Variants in RGS20 observed in about 807,000 individuals in gnomAD.
RGS20 encodes gz-selective GTPase-activating protein.
In RGS20, 30 loss-of-function variants were observed where a neutral mutation model predicts 33.6. The observed-to-expected ratio is 0.89, with a 90% CI of 0.67 to 1.21. The LOEUF (loss-of-function observed/expected upper bound fraction) is 1.21. Among genes scored for constraint, RGS20 ranks in the 50% most tolerant of loss-of-function variants. The pLI is 0.00. For missense variants in RGS20, 472 were observed against 502.4 expected (o/e 0.94, Z 0.58); for synonymous variants, 208 against 197.9 (o/e 1.05, Z -0.43).
intron 2 of RGS20, among the ~76,000 whole-genome samples, chr8:53,885,141 A>G (rs1238140437): frequency 6.6e-6 from 1 of 152,200 alleles, no homozygotes; most frequent in Non-Finnish European, 1.5e-5. Flanking sequence ...TAAAAGAGAA[A>G]AGCTTTCTTA....
rs568798716 is a variant in RGS20 at position 53,896,465 on chromosome 8, A to G, written c.510+16863A>G. The stretch of plus-strand genomic sequence containing the variant: ...GAGGCCTGCAAAGTGTGCAATATGT[A>G]TGCTCTGGTCCCTCACTGAAAACAT... On this transcript the variant is annotated intron_variant, in intron 2 of 5. Transcript: ENST00000297313. Among the ~76,000 whole-genome samples, 5 of 152,352 alleles carry G rather than the reference A, an allele frequency of 3.3e-5. No individual in the cohort carries two copies. The East Asian group carries it at 5.8e-4, about 18-fold the overall frequency.
At chr8:53,865,745 G>A (rs1811905388) in intron 1 of RGS20, among the ~76,000 whole-genome samples, 1 of 152,110 alleles carries the variant, frequency 6.6e-6, no homozygotes, top group African/African-American at 2.4e-5. Flanking sequence ...TAGCTGAGAT[G>A]ACAGGTGTGC....
At chr8:53,913,914 T>C (rs923328521) in intron 2 of RGS20, 2 of 152,234 alleles carry the variant, frequency 1.3e-5, no homozygotes, top group African/African-American at 4.8e-5. Flanking sequence ...AAAAGGTGTG[T>C]GGACGTGGCT....
chr8:53,901,022 G>T (rs1411912094), intron 2 of RGS20, among the ~76,000 whole-genome samples: 2 of 150,850 alleles, frequency 1.3e-5, no homozygotes, highest in South Asian at 4.2e-4. Context: ...CTCGACCTCG[G>T]TCTACCAACA....
In RGS20 at chr8:53,871,936, C is replaced by T. The variant is rs73680339; in HGVS notation, c.166-7322C>T. Among the ~76,000 whole-genome samples the T allele has an allele frequency of 4.0e-3, 607 of 152,220 alleles. 3 individuals are homozygous for T. The highest frequency in any genetic ancestry group is 0.014 in the African/African-American group (576 of 41,536). On this transcript the variant is annotated intron_variant, in intron 1 of 5. Transcript: ENST00000297313. ...AATTCACATCTCCTAGACTCCCACC[C>T]AGACCTCCCTACCCTAAGCTCAAGC...
At chr8:53,923,888 G>A (rs1372620385) in intron 2 of RGS20, among the ~76,000 whole-genome samples, 1 of 152,140 alleles carries the variant, frequency 6.6e-6, no homozygotes, top group East Asian at 1.9e-4. Context: ...CATTTTAAAT[G>A]TAAATGATTT....
chr8:53,887,314 T>C lies in RGS20; in HGVS notation c.510+7712T>C, dbSNP rs560657235. 10 of 215,416 alleles carry C rather than the reference T, an allele frequency of 4.6e-5. No homozygotes were observed. The East Asian group carries it at 8.8e-4, about 19-fold the overall frequency. The allele number at this position is 215,416 out of a possible 1,614,324, so 13.3% of individuals were successfully genotyped here. On this transcript the variant is annotated intron_variant, in intron 2 of 5. Coordinates refer to ENST00000297313, the MANE Select transcript of RGS20 (RefSeq NM_170587.4). ...TGAATGTTGTAGTCAGAGAAAGTTA[T>C]GTCCATCTTCCAGTTACTTGCCAGC...
chr8:53,874,409 CGT>C (rs141978985), intron 1 of RGS20, among the ~76,000 whole-genome samples: 10,894 of 150,658 alleles, frequency 0.072, 853 homozygotes, highest in East Asian at 0.31. Flanking sequence ...TGTGCGCGCG[CGT>C]GTGCTTGCGT....
At chr8:53,858,033 A>G (rs1811718558) in intron 1 of RGS20, among the ~76,000 whole-genome samples, 3 of 152,226 alleles carry the variant, frequency 2.0e-5, no homozygotes, top group African/African-American at 7.2e-5. Context: ...ATAAAAATAA[A>G]AAAATAAAAT....
Position 53,893,475 on chromosome 8 carries a change from G to A in RGS20, c.510+13873G>A, listed in dbSNP as rs559850871. Among the ~76,000 whole-genome samples the A allele has an allele frequency of 4.9e-4, 75 of 152,280 alleles. No individual in the cohort carries two copies. The South Asian group carries it at 0.015, about 31-fold the overall frequency. On this transcript the variant is annotated intron_variant, in intron 2 of 5. Transcript: ENST00000297313. ...TCCCCAAGGCCTTGGACTTATCTCAGTCTCACCTGTCATCTCACTCTTATT... is the reference window on the plus strand; with the variant it reads ...TCCCCAAGGCCTTGGACTTATCTCAATCTCACCTGTCATCTCACTCTTATT...
chr8:53,950,219 G>C (rs1202368502), intron 4 of RGS20, among the ~76,000 whole-genome samples: 1 of 152,062 alleles, frequency 6.6e-6, no homozygotes, highest in Non-Finnish European at 1.5e-5. Context: ...AAATATTATT[G>C]TTCAAATTTT....
chr8:53,923,541 G>C (rs1312914848), intron 2 of RGS20, among the ~76,000 whole-genome samples: 1 of 151,840 alleles, frequency 6.6e-6, no homozygotes. Flanking sequence ...GTTGCAGTGA[G>C]CCAAAATCAC....
At position 53,947,444 on chromosome 8, in the gene RGS20, C is replaced by A. The variant is rs531244639; in HGVS notation, c.743+696C>A. ...TATGCTATATATGATATAGTATATA[C>A]ATTTATATATGCTATATATAAGATA... On this transcript the variant is annotated intron_variant, in intron 4 of 5. Coordinates refer to ENST00000297313, the MANE Select transcript of RGS20 (RefSeq NM_170587.4). 8.7e-4 allele frequency among the ~76,000 whole-genome samples: 120 copies of A among 137,294 alleles called. 4 individuals are homozygous for A. Among genetic ancestry groups the A allele is most frequent in the Middle Eastern group, 0.023 (2 of 88 alleles). The allele number at this position is 137,294 out of a possible 152,430, so 90.1% of individuals were successfully genotyped here.
intron 1 of RGS20, among the ~76,000 whole-genome samples, chr8:53,875,993 G>C (rs933626666): frequency 1.3e-5 from 2 of 152,162 alleles, no homozygotes; most frequent in African/African-American, 2.4e-5. Context: ...TGCCTTTATA[G>C]TTTTCACTGT....
intron 2 of RGS20, among the ~76,000 whole-genome samples, chr8:53,886,771 CT>C: frequency 6.6e-6 from 1 of 152,218 alleles, no homozygotes; most frequent in East Asian, 1.9e-4. Context: ...CAAGTTTGTA[CT>C]GCTGCTCTTA....
intron 5 of RGS20, 29 bp from the exon 5 acceptor site, chr8:53,958,241 A>C: frequency 6.4e-7 from 1 of 1,556,974 alleles, no homozygotes; most frequent in Non-Finnish European, 8.7e-7. Context: ...GAAGTCTCTA[A>C]TACAGCTCCT....
At chr8:53,931,381 C>A (rs1813954612) in intron 2 of RGS20, among the ~76,000 whole-genome samples, 1 of 151,728 alleles carries the variant, frequency 6.6e-6, no homozygotes, top group Non-Finnish European at 1.5e-5. Context: ...ATGGTGAAAC[C>A]CCATCTCTAC....
intron 1 of RGS20, among the ~76,000 whole-genome samples, chr8:53,867,658 T>TCTTCCTTCCTTCCTTC (rs3083109): frequency 4.9e-4 from 70 of 143,334 alleles, no homozygotes; most frequent in East Asian, 1.9e-3. Context: ...ACGGAAGTAG[T>TCTTCCTTCCTTCCTTC]CTTCCTTCCT....
intron 2 of RGS20, chr8:53,933,655 G>C (rs1006649749): frequency 2.0e-5 from 3 of 153,192 alleles, no homozygotes; most frequent in Non-Finnish European, 4.4e-5. Context: ...AAAGTGACGG[G>C]GAGAATGGAA....
Sources: allele counts gnomAD v4.1 joint callset (sites outside exome capture counted in the v4.1 genomes callset), GRCh38; gene constraint gnomAD v4.1.1; transcripts MANE v1.5; gene names NCBI Gene and HGNC (gene_info 2026-07-23, HGNC 2026-07-21).